MSRA: variants seen among roughly 807,000 people sequenced by gnomAD.
MSRA encodes the protein methionine sulfoxide reductase A.
MSRA carries 54 observed loss-of-function variants against 31.3 expected under a neutral mutation model. The observed-to-expected ratio is 1.73, with a 90% CI of 1.39 to 2.17. The LOEUF (loss-of-function observed/expected upper bound fraction) is 2.17, where lower values mean the gene tolerates loss of function less well. MSRA is among the 30% of genes most tolerant of loss of function. The pLI, the probability that MSRA is intolerant of heterozygous loss-of-function variation, is 0.00. For synonymous variants in MSRA, 169 were observed against 116.5 expected, an observed-to-expected ratio of 1.45 and a Z score of -2.90; for missense variants, 507 against 300.9, an observed-to-expected ratio of 1.69 and a Z score of -5.07.
chr8:10,164,284 G>A (rs1157488182), intron 1 of MSRA, among the ~76,000 whole-genome samples: 1 of 152,184 alleles, frequency 6.6e-6, no homozygotes, highest in East Asian at 1.9e-4. Context: ...AAATGTTCCT[G>A]TTAAATTTCC....
At chr8:10,286,914 A>G (rs1475415970) in intron 3 of MSRA, among the ~76,000 whole-genome samples, 5 of 152,230 alleles carry the variant, frequency 3.3e-5, no homozygotes, top group African/African-American at 1.2e-4. Context: ...TTTATAGCGT[A>G]CCTTTTTGGC....
intron 1 of MSRA, among the ~76,000 whole-genome samples, chr8:10,177,319 A>T (rs937122815): frequency 6.6e-6 from 1 of 152,228 alleles, no homozygotes; most frequent in Non-Finnish European, 1.5e-5. Flanking sequence ...AATAAACCTG[A>T]TGTAACTGAC....
At chr8:10,224,044 T>G (rs954020767) in intron 2 of MSRA, among the ~76,000 whole-genome samples, 1 of 152,150 alleles carries the variant, frequency 6.6e-6, no homozygotes, top group Non-Finnish European at 1.5e-5. Flanking sequence ...GATCATCATT[T>G]GTTCAATGGA....
At chr8:10,202,155 G>A (rs1259015357) in intron 1 of MSRA, among the ~76,000 whole-genome samples, 1 of 152,202 alleles carries the variant, frequency 6.6e-6, no homozygotes, top group Non-Finnish European at 1.5e-5. Context: ...TAGGTTCCCA[G>A]GTTAGCCCAC....
intron 1 of MSRA, among the ~76,000 whole-genome samples, chr8:10,097,820 A>G (rs1410231052): frequency 6.6e-6 from 1 of 152,186 alleles, no homozygotes; most frequent in East Asian, 1.9e-4. Context: ...TACCTTAAGA[A>G]ATATTAAATT....
intron 2 of MSRA, among the ~76,000 whole-genome samples, chr8:10,231,658 T>G (rs1811484396): frequency 6.6e-6 from 1 of 152,156 alleles, no homozygotes; most frequent in Non-Finnish European, 1.5e-5. Context: ...ATCCCAACAC[T>G]TTGGGAGGCT....
intron 5 of MSRA, among the ~76,000 whole-genome samples, chr8:10,395,032 G>A (rs1807009166): frequency 1.3e-5 from 2 of 152,156 alleles, no homozygotes; most frequent in South Asian, 2.1e-4. Context: ...CTGTCCTCTA[G>A]TTGGCTTCCG....
At chr8:10,196,714 T>C (rs1200692914) in intron 1 of MSRA, among the ~76,000 whole-genome samples, 1 of 151,922 alleles carries the variant, frequency 6.6e-6, no homozygotes, top group African/African-American at 2.4e-5. Flanking sequence ...CATGCCCGGC[T>C]AATTTTTTTT....
intron 2 of MSRA, among the ~76,000 whole-genome samples, chr8:10,208,671 C>G (rs1368853184): frequency 6.6e-6 from 1 of 152,170 alleles, no homozygotes; most frequent in Non-Finnish European, 1.5e-5. Context: ...GTGTTACCCA[C>G]TGAAAATGAC....
At chr8:10,253,849 CT>C (rs200259823) in intron 3 of MSRA, among the ~76,000 whole-genome samples, 12 of 151,312 alleles carry the variant, frequency 7.9e-5, no homozygotes, top group East Asian at 2.0e-4. Context: ...ATAAAGGTTT[CT>C]TTTTTTTTTC....
At chr8:10,395,126 C>A (rs973313211) in intron 5 of MSRA, among the ~76,000 whole-genome samples, 1 of 152,184 alleles carries the variant, frequency 6.6e-6, no homozygotes, top group Non-Finnish European at 1.5e-5. Flanking sequence ...TAGGAACACG[C>A]AGGAGGAAGC....
chr8:10,350,088 G>C (rs1230919140), intron 5 of MSRA, among the ~76,000 whole-genome samples: 1 of 152,182 alleles, frequency 6.6e-6, no homozygotes, highest in African/African-American at 2.4e-5. Context: ...TCTCCAGCTG[G>C]GCCATTTGGG....
chr8:10,105,967 C>G (rs1291199077), intron 1 of MSRA, among the ~76,000 whole-genome samples: 2 of 152,204 alleles, frequency 1.3e-5, no homozygotes, highest in Non-Finnish European at 2.9e-5. Flanking sequence ...TGCTAGTAAC[C>G]ATGTATATGA....
intron 2 of MSRA, 70 bp from the exon 3 acceptor site, chr8:10,245,034 A>T (rs1468775555): frequency 1.3e-6 from 2 of 1,482,730 alleles, no homozygotes; most frequent in Non-Finnish European, 1.8e-6. Context: ...TAACAGGTGT[A>T]TGTGGATGTG....
intron 3 of MSRA, among the ~76,000 whole-genome samples, chr8:10,258,707 G>T (rs988660787): frequency 6.6e-6 from 1 of 152,164 alleles, no homozygotes; most frequent in South Asian, 2.1e-4. Flanking sequence ...CTTCTCCCAC[G>T]TGGCAACTCT....
intron 1 of MSRA, among the ~76,000 whole-genome samples, chr8:10,191,114 G>A (rs1265213808): frequency 6.6e-6 from 1 of 152,166 alleles, no homozygotes; most frequent in African/African-American, 2.4e-5. Context: ...GAAGTATCTA[G>A]GCTAATAAAT....
chr8:10,155,909 G>C (rs1055723823), intron 1 of MSRA, among the ~76,000 whole-genome samples: 1 of 152,200 alleles, frequency 6.6e-6, no homozygotes, highest in African/African-American at 2.4e-5. Flanking sequence ...AACTGATTCA[G>C]GATGGATGTG....
intron 5 of MSRA, among the ~76,000 whole-genome samples, chr8:10,332,452 C>CCG (rs1448330492): frequency 8.1e-6 from 1 of 122,828 alleles, no homozygotes; most frequent in African/African-American, 3.2e-5. Context: ...AAAGAAAAAT[C>CCG]CCCCCTCCCC....
chr8:10,126,831 T>C (rs141265913), intron 1 of MSRA, among the ~76,000 whole-genome samples: 1 of 152,130 alleles, frequency 6.6e-6, no homozygotes, highest in Non-Finnish European at 1.5e-5. Flanking sequence ...TCATAAGGAG[T>C]GCACACGTGC....
Sources: allele counts gnomAD v4.1 joint callset (sites outside exome capture counted in the v4.1 genomes callset), GRCh38; gene constraint gnomAD v4.1.1; transcripts MANE v1.5; gene names NCBI Gene and HGNC (gene_info 2026-07-23, HGNC 2026-07-21).